Variants in TBC1D16 observed in about 807,000 individuals in gnomAD.
TBC1D16 encodes CTD-2529O21.1.
A neutral mutation model predicts 74.7 loss-of-function variants in TBC1D16; 58 were observed. The ratio of observed to expected loss-of-function variants is 0.78; its 90% CI spans 0.63 to 0.97. The LOEUF (loss-of-function observed/expected upper bound fraction) is 0.97. Among genes scored for constraint, TBC1D16 ranks in the 50% least tolerant of loss-of-function variants. The pLI is 0.00. For missense variants in TBC1D16, 1,014 were observed against 1,079.5 expected (o/e 0.94, Z 0.85); for synonymous variants, 493 against 474.7 (o/e 1.04, Z -0.50).
intron 1 of TBC1D16, among the ~76,000 whole-genome samples, chr17:80,023,667 A>ACC (rs1555885667): frequency 0.082 from 11,703 of 142,516 alleles, 786 homozygotes; most frequent in Non-Finnish European, 0.1. Flanking sequence ...GCCCCCCCCC[A>ACC]CCGGCTCAGG....
rs878996291 is a variant in TBC1D16 at position 79,971,374 on chromosome 17, T to C, written c.780-18556A>G. On this transcript the variant is annotated intron_variant, in intron 3 of 11. Coordinates refer to ENST00000310924, the MANE Select transcript of TBC1D16 (RefSeq NM_019020.4). The surrounding 1 kb of genome is among the most constrained non-coding windows in gnomAD (Gnocchi z 4.6). Reference sequence around the variant, plus strand: ...TTAACATTTGCAAGTGGTAAATAAATTCACGTTGTGGTTAAAAATTTTAAA... The same window carrying C: ...TTAACATTTGCAAGTGGTAAATAAACTCACGTTGTGGTTAAAAATTTTAAA... 6.6e-6 allele frequency among the ~76,000 whole-genome samples: 1 copy of C among 152,146 alleles called. No homozygotes were observed. Among genetic ancestry groups the C allele is most frequent in the African/African-American group, 2.4e-5 (1 of 41,426 alleles).
Position 79,975,085 on chromosome 17 carries a change from C to T in TBC1D16, c.780-22267G>A, listed in dbSNP as rs568168823. The stretch of plus-strand genomic sequence containing the variant: ...CCATGCCGTCCCCACTGCCAGTGGG[C>T]GCAACGTTACTTGCAAGGCCACAAA... On this transcript the variant is annotated intron_variant, in intron 3 of 11. Transcript: ENST00000310924. This position sits in a 1 kb window ranked among gnomAD's most constrained non-coding sequence, Gnocchi z 4.5. Among the ~76,000 whole-genome samples, 17 of 152,354 alleles carry T rather than the reference C, an allele frequency of 1.1e-4. No homozygotes were observed. The highest frequency in any genetic ancestry group is 1.9e-4 in the East Asian group (1 of 5,186).
intron 3 of TBC1D16, among the ~76,000 whole-genome samples, chr17:79,996,145 G>T (rs1037990382): frequency 1.3e-5 from 2 of 152,168 alleles, no homozygotes; most frequent in African/African-American, 4.8e-5. Flanking sequence ...AGTCACAAAA[G>T]AAATCATGTA....
intron 3 of TBC1D16, among the ~76,000 whole-genome samples, chr17:79,955,010 G>A (rs1568586200): frequency 1.3e-5 from 2 of 152,256 alleles, no homozygotes; most frequent in East Asian, 3.9e-4. Flanking sequence ...CCCCTGGAGG[G>A]CCGGAGCCGA....
rs1463276462 is a variant in TBC1D16, at chr17:80,024,939, A to AC, written c.-63+10855dup. Among the ~76,000 whole-genome samples the AC allele has an allele frequency of 5.3e-5, 6 of 113,978 alleles. 1 individual carries two copies. In the East Asian group the frequency reaches 8.5e-4, roughly 16 times the overall value. 74.8% of individuals were successfully genotyped at this position (113,978 alleles called of 152,430 possible). ...ACCACACACCATAGACACACACACC[A>AC]CACACACCATAGACACACCACACAC... is the stretch of plus-strand genomic sequence containing the variant. On this transcript the variant is annotated intron_variant, in intron 1 of 11. Transcript: ENST00000310924.
In TBC1D16 at chr17:79,993,207, C is replaced by G. The variant is rs1163533995; in HGVS notation, c.779+16953G>C. Among the ~76,000 whole-genome samples the G allele has an allele frequency of 6.6e-6, 1 of 152,204 alleles. No homozygotes were observed. Among genetic ancestry groups the G allele is most frequent in the Non-Finnish European group, 1.5e-5 (1 of 68,032 alleles). On this transcript the variant is annotated intron_variant, in intron 3 of 11. Coordinates refer to ENST00000310924, the MANE Select transcript of TBC1D16 (RefSeq NM_019020.4). The surrounding 1 kb of genome is among the most constrained non-coding windows in gnomAD (Gnocchi z 5.1). ...TGGCCAAGGACTTGGCTCCAGGCTCCCACACTTAAAGATCATCTCTGTCAC... is the reference window on the plus strand; with the variant it reads ...TGGCCAAGGACTTGGCTCCAGGCTCGCACACTTAAAGATCATCTCTGTCAC...
At chr17:79,976,984 G>A (rs1008316237) in intron 3 of TBC1D16, among the ~76,000 whole-genome samples, 3 of 152,226 alleles carry the variant, frequency 2.0e-5, no homozygotes, top group Non-Finnish European at 4.4e-5. Context: ...CCTGCCTGCT[G>A]AGCTGCTCTG....
intron 3 of TBC1D16, among the ~76,000 whole-genome samples, chr17:79,976,558 G>A (rs2034339747): frequency 6.6e-6 from 1 of 152,222 alleles, no homozygotes. Context: ...TCAAAAGCGT[G>A]AGGGAAACAC....
rs571379995 is a variant in TBC1D16, at chr17:79,980,928, C to T, written c.780-28110G>A. Among the ~76,000 whole-genome samples, 176 of 152,300 alleles carry T rather than the reference C, an allele frequency of 1.2e-3. No individual in the cohort carries two copies. The highest frequency in any genetic ancestry group is 3.9e-3 in the African/African-American group (164 of 41,562). ...CTGGGACCATGGCTAGGGGTTGTGA[C>T]GTGACCTGGGCCCCGGGAGGCCCTG... is the stretch of plus-strand genomic sequence containing the variant. On this transcript the variant is annotated intron_variant, in intron 3 of 11. Coordinates refer to ENST00000310924, the MANE Select transcript of TBC1D16 (RefSeq NM_019020.4). The surrounding 1 kb of genome is among the most constrained non-coding windows in gnomAD (Gnocchi z 7.0).
chr17:80,002,672 G>T (rs536101254), intron 3 of TBC1D16, among the ~76,000 whole-genome samples: 1 of 152,246 alleles, frequency 6.6e-6, no homozygotes, highest in African/African-American at 2.4e-5. Context: ...ATTCCGTCCA[G>T]ACCTGTGCTG....
rs1229189321 is a variant in TBC1D16 at position 80,008,036 on chromosome 17, A to G, written c.779+2124T>C. 6.6e-6 allele frequency among the ~76,000 whole-genome samples: 1 copy of G among 150,980 alleles called. No homozygotes were observed. The highest frequency in any genetic ancestry group is 1.9e-4 in the East Asian group (1 of 5,136). Reference sequence around the variant, plus strand: ...TCAGTTGTGATAAAAAAAAAAAAAAAGTGTCTCCTGGCATTGCCATACACC... The same window carrying G: ...TCAGTTGTGATAAAAAAAAAAAAAAGGTGTCTCCTGGCATTGCCATACACC... On this transcript the variant is annotated intron_variant, in intron 3 of 11. Transcript: ENST00000310924. The surrounding 1 kb of genome is among the most constrained non-coding windows in gnomAD (Gnocchi z 4.5).
At chr17:80,018,512 G>C (rs2036176279) in intron 1 of TBC1D16, among the ~76,000 whole-genome samples, 3 of 149,728 alleles carry the variant, frequency 2.0e-5, no homozygotes, top group African/African-American at 7.7e-5. Context: ...TCGATCTCCT[G>C]ACCTCGTGAT....
In TBC1D16 at chr17:80,009,228, G is replaced by A. The variant is rs142333772; in HGVS notation, c.779+932C>T. 6.6e-6 allele frequency among the ~76,000 whole-genome samples: 1 copy of A among 152,346 alleles called. No individual in the cohort carries two copies. The highest frequency in any genetic ancestry group is 1.9e-4 in the East Asian group (1 of 5,182). ...ATGACCTGCTCGCTGACTGATGTCG[G>A]CTCTTACTGTTGTCTGTGGTCACCA... On this transcript the variant is annotated intron_variant, in intron 3 of 11. Coordinates refer to ENST00000310924, the MANE Select transcript of TBC1D16 (RefSeq NM_019020.4). This position sits in a 1 kb window ranked among gnomAD's most constrained non-coding sequence, Gnocchi z 5.4.
chr17:79,982,464 T>C (rs1340600323), intron 3 of TBC1D16, among the ~76,000 whole-genome samples: 1 of 151,676 alleles, frequency 6.6e-6, no homozygotes, highest in Non-Finnish European at 1.5e-5. Context: ...GTAAAGTCAA[T>C]AATATCACAT....
rs893498478 is a variant in TBC1D16 at position 79,983,891 on chromosome 17, G to A, written c.779+26269C>T. On this transcript the variant is annotated intron_variant, in intron 3 of 11. Transcript: ENST00000310924. The surrounding 1 kb of genome is among the most constrained non-coding windows in gnomAD (Gnocchi z 5.6). ...AAAAATTTAAATTTATTTAGAGACA[G>A]GGTCATGCTCTGTCACCCATGCTGG... Among the ~76,000 whole-genome samples, 1 of 152,208 alleles carries A rather than the reference G, an allele frequency of 6.6e-6. No homozygotes were observed. Among genetic ancestry groups the A allele is most frequent in the African/African-American group, 2.4e-5 (1 of 41,452 alleles).
At chr17:79,960,529 G>A (rs895885255) in intron 3 of TBC1D16, among the ~76,000 whole-genome samples, 12 of 152,074 alleles carry the variant, frequency 7.9e-5, no homozygotes, top group African/African-American at 2.7e-4. Flanking sequence ...GCTGAGGCGG[G>A]TGGGTCACCT....
intron 3 of TBC1D16, among the ~76,000 whole-genome samples, chr17:80,005,536 T>C (rs2035642420): frequency 6.6e-6 from 1 of 152,200 alleles, no homozygotes; most frequent in Non-Finnish European, 1.5e-5. Flanking sequence ...AGGACCAAGA[T>C]AGCCCAGGGC....
intron 4 of TBC1D16, chr17:79,952,306 A>G (rs2033102098): frequency 4.6e-6 from 1 of 215,356 alleles, no homozygotes; most frequent in Non-Finnish European, 9.2e-6. Flanking sequence ...CGTCCCGCAC[A>G]GGTGGCCGAG....
Position 79,979,680 on chromosome 17 carries a change from C to T in TBC1D16, c.780-26862G>A, listed in dbSNP as rs1011988869. On this transcript the variant is annotated intron_variant, in intron 3 of 11. Transcript: ENST00000310924. The surrounding 1 kb of genome is among the most constrained non-coding windows in gnomAD (Gnocchi z 4.8). ...TGCAAACACAGCTGGGACATCAGCC[C>T]GGAAAGGAATGTAACCTGTCAGGCC... Among the ~76,000 whole-genome samples, 1 of 151,930 alleles carries T rather than the reference C, an allele frequency of 6.6e-6. No homozygotes were observed. Among genetic ancestry groups the T allele is most frequent in the Non-Finnish European group, 1.5e-5 (1 of 68,008 alleles).
Sources: gnomAD v4.1 joint callset for allele counts (sites outside exome capture counted in the v4.1 genomes callset) on GRCh38, gnomAD v4.1.1 for gene constraint, Gnocchi (gnomAD v3.1) non-coding constraint, MANE v1.5 for transcripts, NCBI Gene and HGNC (gene_info 2026-07-23, HGNC 2026-07-21) for gene names.